TMEM132D: variants seen among roughly 807,000 people sequenced by gnomAD.
TMEM132D encodes the protein transmembrane protein 132D.
TMEM132D carries 21 observed loss-of-function variants against 62.3 expected under a neutral mutation model. That is an observed-to-expected ratio of 0.34 (90% confidence interval 0.24 to 0.49). The LOEUF (loss-of-function observed/expected upper bound fraction) is 0.49, where lower values mean the gene tolerates loss of function less well. Ranked by LOEUF, TMEM132D falls within the 20% of genes least tolerant of loss-of-function variation. TMEM132D has a pLI of 0.99. For synonymous variants in TMEM132D, 621 were observed against 575.6 expected (o/e 1.08, Z -1.13); for missense variants, 1,346 against 1,402.8 (o/e 0.96, Z 0.65).
chr12:129,443,788 T>G (rs1402692112), intron 3 of TMEM132D, among the ~76,000 whole-genome samples: 2 of 152,180 alleles, frequency 1.3e-5, no homozygotes, highest in Non-Finnish European at 2.9e-5. Flanking sequence ...TGAATATGAG[T>G]GTGCAAGCCA....
intron 2 of TMEM132D, among the ~76,000 whole-genome samples, chr12:129,607,712 T>C (rs1878665662): frequency 6.6e-6 from 1 of 152,154 alleles, no homozygotes; most frequent in Non-Finnish European, 1.5e-5. Context: ...ACAGGATGAA[T>C]AGATGAACAG....
chr12:129,140,062 AT>A (rs1300905875), intron 5 of TMEM132D, among the ~76,000 whole-genome samples: 3 of 151,392 alleles, frequency 2.0e-5, no homozygotes, highest in East Asian at 1.9e-4. Flanking sequence ...CTTCTTTTTC[AT>A]TTTTTTTAAG....
chr12:129,715,852 T>C (rs1422731173), intron 1 of TMEM132D, among the ~76,000 whole-genome samples: 2 of 152,222 alleles, frequency 1.3e-5, no homozygotes, highest in African/African-American at 4.8e-5. Context: ...GCTATGACGC[T>C]AGGAGTCTCA....
chr12:129,367,528 C>T (rs957715777), intron 3 of TMEM132D, among the ~76,000 whole-genome samples: 6 of 152,100 alleles, frequency 3.9e-5, no homozygotes, highest in East Asian at 1.9e-4. Flanking sequence ...ATGGGGAATA[C>T]GACACTGGTG....
At chr12:129,837,753 G>A (rs375988446) in intron 1 of TMEM132D, among the ~76,000 whole-genome samples, 32 of 152,270 alleles carry the variant, frequency 2.1e-4, no homozygotes, top group South Asian at 1.5e-3. Flanking sequence ...GTCTCTCTCA[G>A]AATGAATGAG....
chr12:129,599,337 T>C (rs1352256922), intron 2 of TMEM132D, among the ~76,000 whole-genome samples: 1 of 152,208 alleles, frequency 6.6e-6, no homozygotes, highest in Non-Finnish European at 1.5e-5. Context: ...CCTTTGTTTA[T>C]AATCAGACAA....
At chr12:129,557,262 T>C (rs1037399687) in intron 2 of TMEM132D, among the ~76,000 whole-genome samples, 4 of 152,210 alleles carry the variant, frequency 2.6e-5, no homozygotes, top group Non-Finnish European at 5.9e-5. Flanking sequence ...AGTAAAAATA[T>C]GCATATAGAT....
At chr12:129,663,903 G>A (rs1200968660) in intron 2 of TMEM132D, among the ~76,000 whole-genome samples, 1 of 151,990 alleles carries the variant, frequency 6.6e-6, no homozygotes, top group East Asian at 1.9e-4. Flanking sequence ...AAAGAAAGAA[G>A]TTGCATGGAA....
At chr12:129,488,923 T>G (rs531425924) in intron 3 of TMEM132D, among the ~76,000 whole-genome samples, 48 of 152,262 alleles carry the variant, frequency 3.2e-4, no homozygotes, top group Non-Finnish European at 5.3e-4. Flanking sequence ...ATAGATAGGC[T>G]CATCTCAACC....
intron 5 of TMEM132D, among the ~76,000 whole-genome samples, chr12:129,147,916 G>A (rs1042539204): frequency 6.6e-6 from 1 of 152,124 alleles, no homozygotes; most frequent in African/African-American, 2.4e-5. Flanking sequence ...ACCAACTTTC[G>A]TGTGATGGCT....
intron 1 of TMEM132D, among the ~76,000 whole-genome samples, chr12:129,845,558 AG>A (rs530426085): frequency 6.6e-5 from 10 of 152,232 alleles, no homozygotes; most frequent in Non-Finnish European, 1.3e-4. Flanking sequence ...ATCCTACAAA[AG>A]CCCCTCAGCT....
chr12:129,437,996 T>C (rs2771871), intron 3 of TMEM132D, among the ~76,000 whole-genome samples: 72,709 of 151,228 alleles, frequency 0.48, 18,737 homozygotes, highest in Non-Finnish European at 0.59. Flanking sequence ...AGTGTTTGGT[T>C]TTCTGTTTCT....
chr12:129,088,912 A>C (rs796516256), intron 5 of TMEM132D, among the ~76,000 whole-genome samples: 2 of 20,024 alleles, frequency 1.0e-4, no homozygotes, highest in African/African-American at 4.9e-4. Flanking sequence ...GGTGTCCTCC[A>C]TGACCGGGAT....
intron 3 of TMEM132D, among the ~76,000 whole-genome samples, chr12:129,419,117 T>C (rs1346816651): frequency 6.6e-6 from 1 of 152,180 alleles, no homozygotes; most frequent in African/African-American, 2.4e-5. Context: ...TTTGTGGGAC[T>C]TCGTTATGTA....
At chr12:129,082,168 G>A in intron 6 of TMEM132D, 136 bp from the exon 7 acceptor site, 8 of 1,085,722 alleles carry the variant, frequency 7.4e-6, no homozygotes, top group South Asian at 4.8e-5. Flanking sequence ...ACATGCAGAG[G>A]TGAACTTCAG....
chr12:129,588,743 TTTTTC>T (rs1323951113), intron 2 of TMEM132D, among the ~76,000 whole-genome samples: 525 of 14,180 alleles, frequency 0.037, 12 homozygotes, highest in East Asian at 0.13. Context: ...CCCAGCTATT[TTTTTC>T]TTTTTTTTTT....
chr12:129,178,883 A>G (rs1250950414), intron 5 of TMEM132D, among the ~76,000 whole-genome samples: 2 of 152,374 alleles, frequency 1.3e-5, no homozygotes, highest in Admixed American at 6.5e-5. Flanking sequence ...AAGGAACACC[A>G]GCAGATGTAA....
Position 129,388,512 on chromosome 12 carries a change from A to G in TMEM132D, c.1116-50695T>C, listed in dbSNP as rs1411066323. 1.9e-5 allele frequency among the ~76,000 whole-genome samples: 2 copies of G among 104,488 alleles called. 1 individual carries two copies. The highest frequency in any genetic ancestry group is 4.5e-5 in the Non-Finnish European group (2 of 44,056). The allele number at this position is 104,488 out of a possible 152,430, so 68.5% of individuals were successfully genotyped here. A position where few individuals can be genotyped will look rare whatever the true frequency, so the allele number is the denominator to read the frequency against. On this transcript the variant is annotated intron_variant, in intron 3 of 8. Transcript: ENST00000422113. ...TATAAACACTAATAGCAACACCAAT[A>G]CTAACACCAACACCAATCCAGCACT...
rs2135602447 is a variant in TMEM132D at position 129,074,276 on chromosome 12, A to G, written c.2899T>C (p.Leu967=). The G allele has an allele frequency of 6.2e-7, 1 of 1,613,948 alleles. No homozygotes were observed. ...TCCAACAGCTCTGTCCGGTTGCTTA[A>G]CCCAACCCAGTCATGAGAGTGACTC... ...GMSHSHDWVG[L]SNRTELLENH... Residue 967 remains leucine, a synonymous_variant, in exon 9 of 9, where the codon TTA becomes CTA. Transcript: ENST00000422113.
Sources: allele counts gnomAD v4.1 joint callset (sites outside exome capture counted in the v4.1 genomes callset), GRCh38; gene constraint gnomAD v4.1.1; transcripts MANE v1.5; gene names NCBI Gene and HGNC (gene_info 2026-07-23, HGNC 2026-07-21).